The following MAP3K1 variants were observed in gnomAD, a reference collection of about 807,000 sequenced individuals.
MAP3K1 encodes MAP/ERK kinase kinase 1.
A neutral mutation model predicts 144.2 loss-of-function variants in MAP3K1; 36 were observed. The ratio of observed to expected loss-of-function variants is 0.25; its 90% CI spans 0.19 to 0.33. The LOEUF is 0.33. Among genes scored for constraint, MAP3K1 ranks in the 10% least tolerant of loss-of-function variants. MAP3K1 has a pLI of 1.00. For synonymous variants in MAP3K1, 718 were observed against 688.7 expected (o/e 1.04, Z -0.67); for missense variants, 1,650 against 1,881.9 (o/e 0.88, Z 2.28).
chr5:56,836,748 C>G (rs1746666673), intron 1 of MAP3K1, among the ~76,000 whole-genome samples: 1 of 152,114 alleles, frequency 6.6e-6, no homozygotes, highest in Non-Finnish European at 1.5e-5. Context: ...TTGGCCCTAT[C>G]CATCCAGCAT....
chr5:56,880,486 T>A (rs555000212), intron 11 of MAP3K1, among the ~76,000 whole-genome samples: 1 of 152,278 alleles, frequency 6.6e-6, no homozygotes, highest in East Asian at 1.9e-4. Flanking sequence ...TTGTTGAAAA[T>A]TCTGTGCTTA....
At chr5:56,837,238 G>A (rs2111802270) in intron 1 of MAP3K1, among the ~76,000 whole-genome samples, 1 of 151,950 alleles carries the variant, frequency 6.6e-6, no homozygotes, top group Admixed American at 6.6e-5. Flanking sequence ...AATCTCTGAG[G>A]GTTTTCTTCA....
intron 19 of MAP3K1, among the ~76,000 whole-genome samples, chr5:56,892,687 A>C (rs965111108): frequency 6.6e-6 from 1 of 152,190 alleles, no homozygotes; most frequent in Non-Finnish European, 1.5e-5. Flanking sequence ...CTCACTGAAA[A>C]AAATTATTTT....
Position 56,815,568 on chromosome 5 carries a change from G to A in MAP3K1, c.-6G>A. ...GGGGCCGAGCGAATGTAGCCCGCGA[G>A]AGAAAATGGCGGCGGCGGCGGGGAA... On this transcript the variant is annotated 5_prime_UTR_variant, in exon 1 of 20. Coordinates refer to ENST00000399503, the MANE Select transcript of MAP3K1 (RefSeq NM_005921.2). 3.8e-6 allele frequency: 5 copies of A among 1,302,976 alleles called. No homozygotes were observed. In the South Asian group the frequency reaches 6.6e-5, roughly 17 times the overall value. 80.7% of individuals were successfully genotyped at this position (1,302,976 alleles called of 1,614,324 possible).
chr5:56,848,582 C>T (rs40016), intron 1 of MAP3K1, among the ~76,000 whole-genome samples: 152,136 of 152,348 alleles, frequency 1, 75,963 homozygotes, highest in Non-Finnish European at 1. Context: ...TGTGTGTTTA[C>T]AGTATGATTA....
At chr5:56,877,943 TTA>T (rs1748090699) in intron 10 of MAP3K1, among the ~76,000 whole-genome samples, 1 of 152,202 alleles carries the variant, frequency 6.6e-6, no homozygotes, top group Non-Finnish European at 1.5e-5. Flanking sequence ...CAATTTGGGT[TTA>T]TCTGATGTTT....
intron 12 of MAP3K1, 81 bp from the exon 13 acceptor site, chr5:56,881,002 C>T (rs1450652889): frequency 1.6e-6 from 2 of 1,264,586 alleles, no homozygotes; most frequent in African/African-American, 1.5e-5. Context: ...TTTTGTTGGC[C>T]TTACACCATT....
At chr5:56,822,549 A>G in intron 1 of MAP3K1, among the ~76,000 whole-genome samples, 1 of 152,134 alleles carries the variant, frequency 6.6e-6, no homozygotes, top group East Asian at 1.9e-4. Flanking sequence ...CTTAACCATG[A>G]CACTTCTTCC....
chr5:56,866,032 G>A, intron 6 of MAP3K1, 55 bp downstream of exon 6: 1 of 1,391,144 alleles, frequency 7.2e-7, no homozygotes, highest in East Asian at 2.3e-5. Flanking sequence ...TTAATTTTAG[G>A]GGTAATTTTT....
chr5:56,839,989 G>T (rs58292679), intron 1 of MAP3K1, among the ~76,000 whole-genome samples: 15,078 of 152,178 alleles, frequency 0.099, 1,213 homozygotes, highest in East Asian at 0.34. Context: ...TAGAAGTTTG[G>T]TGATGTTTTT....
At chr5:56,836,021 T>C (rs1746643797) in intron 1 of MAP3K1, among the ~76,000 whole-genome samples, 1 of 152,204 alleles carries the variant, frequency 6.6e-6, no homozygotes, top group Non-Finnish European at 1.5e-5. Context: ...ACTAGGAAGA[T>C]GGCAGTAATG....
chr5:56,859,609 A>G (rs1747441792), intron 2 of MAP3K1, 106 bp from the exon 3 acceptor site: 1 of 785,598 alleles, frequency 1.3e-6, no homozygotes, highest in Non-Finnish European at 2.1e-6. Flanking sequence ...CTGGTATAAT[A>G]TTTCATAACA....
rs568437187 is a variant in MAP3K1, at chr5:56,860,045, G to C, written c.834+130G>C. 1.9e-4 allele frequency: 155 copies of C among 830,948 alleles called. 1 individual carries two copies. Among genetic ancestry groups the C allele is most frequent in the African/African-American group, 1.7e-3 (99 of 58,330 alleles). 51.5% of individuals were successfully genotyped at this position (830,948 alleles called of 1,614,324 possible). The stretch of plus-strand genomic sequence containing the variant: ...TATGATCTGCAGACCCCTGAGGATG[G>C]GGGGGGTGGTTCCTGAGACCCTTTC... On this transcript the variant is annotated intron_variant, in intron 3 of 19. Transcript: ENST00000399503.
In MAP3K1 at chr5:56,896,136, A is replaced by G. The variant is rs956673519; in HGVS notation, c.*2456A>G. ...TGGTGTTTTTGTCTTTATAGTAAATAAAAGTTTTTGAACAAATGTTGTTAC... is the reference window on the plus strand; with the variant it reads ...TGGTGTTTTTGTCTTTATAGTAAATGAAAGTTTTTGAACAAATGTTGTTAC... On this transcript the variant is annotated 3_prime_UTR_variant, in exon 20 of 20. Coordinates refer to ENST00000399503, the MANE Select transcript of MAP3K1 (RefSeq NM_005921.2). 4.0e-5 allele frequency: 9 copies of G among 222,826 alleles called. No homozygotes were observed. Among genetic ancestry groups the G allele is most frequent in the African/African-American group, 2.0e-4 (9 of 44,814 alleles). The allele number at this position is 222,826 out of a possible 1,614,324, so 13.8% of individuals were successfully genotyped here. A position where few individuals can be genotyped will look rare whatever the true frequency, so the allele number is the denominator to read the frequency against.
In MAP3K1 at chr5:56,880,738, A is replaced by G. The variant is rs927739588; in HGVS notation, c.2115A>G (p.Thr705=). The G allele has an allele frequency of 2.5e-6, 4 of 1,613,680 alleles. No individual in the cohort carries two copies. The highest frequency in any genetic ancestry group is 3.4e-6 in the Non-Finnish European group (4 of 1,179,756). Residue 705 remains threonine, a synonymous_variant, in exon 12 of 20, where the codon ACA becomes ACG. Transcript: ENST00000399503. ...GCACAAGTCAGCTGTCCATATCAACACTGTTGGAACTGTGCAAAGGCCAAG... is the reference window on the plus strand; with the variant it reads ...GCACAAGTCAGCTGTCCATATCAACGCTGTTGGAACTGTGCAAAGGCCAAG... The part of the protein sequence containing the change: ...NSRTSQLSIS[T]LLELCKGQAG...
At chr5:56,859,566 GTAA>G (rs772449192) in intron 2 of MAP3K1, 146 bp from the exon 3 acceptor site, 37 of 629,314 alleles carry the variant, frequency 5.9e-5, no homozygotes, top group Non-Finnish European at 9.5e-5. Context: ...ATAGCTTAAA[GTAA>G]TAATAAAAGT....
chr5:56,839,189 T>A (rs1006492436), intron 1 of MAP3K1, among the ~76,000 whole-genome samples: 3 of 152,198 alleles, frequency 2.0e-5, no homozygotes, highest in African/African-American at 7.2e-5. Flanking sequence ...AAAGGTTGAG[T>A]ACATGAACAG....
chr5:56,879,210 G>A (rs1748130916), intron 11 of MAP3K1, 109 bp downstream of exon 11: 2 of 1,341,658 alleles, frequency 1.5e-6, no homozygotes, highest in African/African-American at 1.4e-5. Context: ...ATGAGTCTTT[G>A]AACATTGTCT....
rs1417084083 is a variant in MAP3K1, at chr5:56,882,835, A to G, written c.3635A>G (p.Asn1212Ser). 1.2e-6 allele frequency: 2 copies of G among 1,611,812 alleles called. No individual in the cohort carries two copies. The highest frequency in any genetic ancestry group is 2.2e-5 in the South Asian group (2 of 91,016). Reference protein sequence around the residue: ...LPIVPQLQVENGEDIIIIQQD... With the variant: ...LPIVPQLQVESGEDIIIIQQD... ...ATAGTTCCTCAGCTGCAGGTTGAAA[A>G]TGGAGAAGATATCATCATTATTCAA... Residue 1212 changes from asparagine (N) to serine (S), a missense_variant, in exon 14 of 20, where the codon AAT becomes AGT. Around this residue, in one of 6 missense-constraint regions of MAP3K1, gnomAD observed 841 missense variants for 886.5 expected, o/e 0.95. Transcript: ENST00000399503.
Sources: gnomAD v4.1 joint callset for allele counts (sites outside exome capture counted in the v4.1 genomes callset) on GRCh38, gnomAD v4.1.1 for gene constraint, gnomAD v4.1.1 regional missense constraint, MANE v1.5 for transcripts, NCBI Gene and HGNC (gene_info 2026-07-23, HGNC 2026-07-21) for gene names.